Variants in FGF18 observed in about 807,000 individuals in gnomAD.
FGF18 encodes the protein fibroblast growth factor 18.
A neutral mutation model predicts 23.0 loss-of-function variants in FGF18; 5 were observed. The ratio of observed to expected loss-of-function variants is 0.22; its 90% CI spans 0.11 to 0.46. The LOEUF (loss-of-function observed/expected upper bound fraction) is 0.46. Ranked by LOEUF, FGF18 falls within the 20% of genes least tolerant of loss-of-function variation. FGF18 has a pLI of 0.99. For missense variants in FGF18, 180 were observed against 291.6 expected, an observed-to-expected ratio of 0.62 and a Z score of 2.79; for synonymous variants, 117 against 118.9, an observed-to-expected ratio of 0.98 and a Z score of 0.10.
intron 4 of FGF18, among the ~76,000 whole-genome samples, chr5:171,452,144 T>G (rs550170393): frequency 1.3e-5 from 2 of 152,258 alleles, no homozygotes; most frequent in Non-Finnish European, 2.9e-5. Flanking sequence ...CCCAAGGGAG[T>G]CTAAGCGCCC....
In FGF18 at chr5:171,436,124, G is replaced by A. The variant is rs772878013; in HGVS notation, c.101G>A (p.Arg34His). 37 of 1,572,054 alleles carry A rather than the reference G, an allele frequency of 2.4e-5. No individual in the cohort carries two copies. Among genetic ancestry groups the A allele is most frequent in the Non-Finnish European group, 3.1e-5 (36 of 1,154,334 alleles). Residue 34 changes from arginine to histidine, a missense_variant, in exon 3 of 5, where the codon CGC becomes CAC. Arg to His is a conservative substitution (Grantham distance 29, BLOSUM62 0). Transcript: ENST00000274625. The surrounding 1 kb of genome is among the most constrained non-coding windows in gnomAD (Gnocchi z 4.4). ...VLVAEENVDF[R>H]IHVENQTRAR... ...GTTGCCGAGGAGAACGTGGACTTCC[G>A]CATCCACGTGGAGAACCAGACGCGG...
chr5:171,438,314 G>A (rs1478777732), intron 3 of FGF18, among the ~76,000 whole-genome samples: 1 of 151,920 alleles, frequency 6.6e-6, no homozygotes, highest in East Asian at 1.9e-4. Flanking sequence ...GTTGGCCAGG[G>A]TGGTCTTGAA....
intron 4 of FGF18, among the ~76,000 whole-genome samples, chr5:171,452,538 C>T (rs1772532271): frequency 6.6e-6 from 1 of 152,206 alleles, no homozygotes; most frequent in Admixed American, 6.5e-5. Context: ...CCCCCTTCTC[C>T]TTGCTACCCT....
At chr5:171,435,789 G>A (rs900191934) in intron 2 of FGF18, among the ~76,000 whole-genome samples, 7 of 152,156 alleles carry the variant, frequency 4.6e-5, no homozygotes, top group Admixed American at 1.3e-4. Flanking sequence ...ACCGAGAATC[G>A]TTCTTGCTTT....
At position 171,449,331 on chromosome 5, in the gene FGF18, G is replaced by A. The variant is rs576812134; in HGVS notation, c.357+78G>A. ...TGGGAGCTGGAACAATGTGTCCAGGGCACTGTCAGTCCCAAATGGAAAACA... is the reference window on the plus strand; with the variant it reads ...TGGGAGCTGGAACAATGTGTCCAGGACACTGTCAGTCCCAAATGGAAAACA... On this transcript the variant is annotated intron_variant, in intron 4 of 4. Coordinates refer to ENST00000274625, the MANE Select transcript of FGF18 (RefSeq NM_003862.3). 1,130 of 827,612 alleles carry A rather than the reference G, an allele frequency of 1.4e-3. 2 individuals carry two copies. Among genetic ancestry groups the A allele is most frequent in the Non-Finnish European group, 2.0e-3 (1,002 of 499,322 alleles). The allele number at this position is 827,612 out of a possible 1,614,324, so 51.3% of individuals were successfully genotyped here.
intron 2 of FGF18, among the ~76,000 whole-genome samples, chr5:171,421,484 C>T (rs902268132): frequency 2.0e-5 from 3 of 152,144 alleles, no homozygotes; most frequent in Non-Finnish European, 2.9e-5. Context: ...GGTGGCTTTC[C>T]GGGATTAGAG....
At chr5:171,421,395 G>A (rs553476830) in intron 2 of FGF18, among the ~76,000 whole-genome samples, 1 of 152,330 alleles carries the variant, frequency 6.6e-6, no homozygotes, top group South Asian at 2.1e-4. Flanking sequence ...CCCACCTAGT[G>A]CTGCAAGGGG....
intron 4 of FGF18, among the ~76,000 whole-genome samples, chr5:171,452,947 A>G (rs1772537258): frequency 6.6e-6 from 1 of 152,208 alleles, no homozygotes; most frequent in Admixed American, 6.5e-5. Flanking sequence ...AGATGAGGTC[A>G]TCAGGATTCC....
Position 171,421,240 on chromosome 5 carries a change from A to G in FGF18, c.69+797A>G, listed in dbSNP as rs1051579708. Among the ~76,000 whole-genome samples the G allele has an allele frequency of 9.9e-5, 15 of 152,274 alleles. No individual in the cohort carries two copies. The South Asian group carries it at 1.9e-3, about 19-fold the overall frequency. ...TCCAAAGCCGTAGAAATGAAGGAAAAAGGGTTGGGGGGAGGGAGAGAGAAG... is the reference window on the plus strand; with the variant it reads ...TCCAAAGCCGTAGAAATGAAGGAAAGAGGGTTGGGGGGAGGGAGAGAGAAG... On this transcript the variant is annotated intron_variant, in intron 2 of 4. Transcript: ENST00000274625.
chr5:171,434,881 A>G lies in FGF18; in HGVS notation c.70-1212A>G, dbSNP rs1394534611. ...GACAAAACCCAGATAAGTGCTGGAA[A>G]GAAGCGCAAAGCATGGTTGAGGGGA... On this transcript the variant is annotated intron_variant, in intron 2 of 4. Transcript: ENST00000274625. The surrounding 1 kb of genome is among the most constrained non-coding windows in gnomAD (Gnocchi z 4.6). Among the ~76,000 whole-genome samples the G allele has an allele frequency of 1.3e-5, 2 of 151,928 alleles. No homozygotes were observed. Among genetic ancestry groups the G allele is most frequent in the African/African-American group, 4.8e-5 (2 of 41,336 alleles).
chr5:171,455,751 A>T (rs757982842), intron 4 of FGF18, among the ~76,000 whole-genome samples: 14 of 152,168 alleles, frequency 9.2e-5, no homozygotes, highest in Non-Finnish European at 1.6e-4. Context: ...AGGAACACTG[A>T]TTGGATGGCT....
In FGF18 at chr5:171,436,245, T is replaced by A; in HGVS notation, c.222T>A (p.Ser74Arg). The change falls in exon 3 of 5, where the codon AGT becomes AGA. Residue 74 changes from serine to arginine, a missense_variant. Coordinates refer to ENST00000274625, the MANE Select transcript of FGF18 (RefSeq NM_003862.3). The surrounding 1 kb of genome is among the most constrained non-coding windows in gnomAD (Gnocchi z 4.4). The stretch of plus-strand genomic sequence containing the variant: ...TCCAGGTCCTGGGCCGCAGGATCAG[T>A]GCCCGCGGCGAGGATGGGGACAAGT... ...KHIQVLGRRI[S>R]ARGEDGDKYA... 1 of 1,596,376 alleles carries A rather than the reference T, an allele frequency of 6.3e-7. No homozygotes were observed.
rs1489246954 is a variant in FGF18, at chr5:171,456,129, T to G, written c.358-410T>G. 6.6e-6 allele frequency among the ~76,000 whole-genome samples: 1 copy of G among 152,168 alleles called. No individual in the cohort carries two copies. Among genetic ancestry groups the G allele is most frequent in the Non-Finnish European group, 1.5e-5 (1 of 68,036 alleles). On this transcript the variant is annotated intron_variant, in intron 4 of 4. Transcript: ENST00000274625. The surrounding 1 kb of genome is among the most constrained non-coding windows in gnomAD (Gnocchi z 6.1). ...CTGAACCTTCTCTTATGCCCATCTGTGCACTTCTTTGTAAAATCCAGTTTT... is the reference window on the plus strand; with the variant it reads ...CTGAACCTTCTCTTATGCCCATCTGGGCACTTCTTTGTAAAATCCAGTTTT...
intron 2 of FGF18, among the ~76,000 whole-genome samples, chr5:171,427,206 GAA>G (rs569204143): frequency 3.0e-5 from 4 of 131,256 alleles, no homozygotes; most frequent in Admixed American, 7.8e-5. Flanking sequence ...CTCCATCTGG[GAA>G]AAAAAAAAAA....
chr5:171,425,042 G>T (rs931114664), intron 2 of FGF18, among the ~76,000 whole-genome samples: 2 of 152,332 alleles, frequency 1.3e-5, no homozygotes, highest in South Asian at 2.1e-4. Flanking sequence ...CTCCAAGGAC[G>T]CACTGGACCC....
intron 3 of FGF18, among the ~76,000 whole-genome samples, chr5:171,446,010 C>G (rs367740463): frequency 1.3e-5 from 2 of 152,162 alleles, no homozygotes; most frequent in African/African-American, 4.8e-5. Context: ...CTCTCTCTGT[C>G]TCATTTTCTC....
chr5:171,437,849 G>C (rs576803216), intron 3 of FGF18, among the ~76,000 whole-genome samples: 135 of 152,268 alleles, frequency 8.9e-4, no homozygotes, highest in African/African-American at 3.1e-3. Flanking sequence ...GTACAGGGGG[G>C]TCAGACTCTG....
At chr5:171,420,501 C>T in intron 2 of FGF18, 58 bp downstream of exon 2, 1 of 1,531,860 alleles carries the variant, frequency 6.5e-7, no homozygotes, top group Non-Finnish European at 9.0e-7. Context: ...ACACGCCGAC[C>T]CCCCTTCCCC....
At chr5:171,444,733 A>G (rs1047699828) in intron 3 of FGF18, among the ~76,000 whole-genome samples, 8 of 152,144 alleles carry the variant, frequency 5.3e-5, no homozygotes, top group Admixed American at 3.9e-4. Context: ...CTTCCCAGCC[A>G]TGTGACTCAG....
Sources: allele counts gnomAD v4.1 joint callset (sites outside exome capture counted in the v4.1 genomes callset), GRCh38; gene constraint gnomAD v4.1.1; non-coding constraint Gnocchi (gnomAD v3.1); transcripts MANE v1.5; gene names NCBI Gene and HGNC (gene_info 2026-07-23, HGNC 2026-07-21).